The following ICAM1 variants were observed in gnomAD, a reference collection of about 807,000 sequenced individuals.
The protein encoded by ICAM1 is ICAM-1.
In ICAM1, 28 loss-of-function variants were observed where a neutral mutation model predicts 42.3. That is an observed-to-expected ratio of 0.66 (90% confidence interval 0.49 to 0.91). ICAM1 has a LOEUF of 0.91. Among genes scored for constraint, ICAM1 ranks in the 40% least tolerant of loss-of-function variants. The pLI, the probability that ICAM1 is intolerant of heterozygous loss-of-function variation, is 0.00. For missense variants in ICAM1, 637 were observed against 688.6 expected (o/e 0.93, Z 0.84); for synonymous variants, 304 against 305.9 (o/e 0.99, Z 0.07).
Position 10,274,899 on chromosome 19 carries a change from G to A in ICAM1, c.202G>A (p.Glu68Lys). ...CATAGAGACCCCGTTGCCTAAAAAG[G>A]AGTTGCTCCTGCCTGGGAACAACCG... is the stretch of plus-strand genomic sequence containing the variant. The part of the protein sequence containing the change: ...LGIETPLPKK[E>K]LLLPGNNRKV... The change falls in exon 2 of 7, where the codon GAG becomes AAG. Residue 68 changes from glutamate to lysine, a missense_variant. By Grantham distance (56) the Glu-to-Lys change is moderately conservative. Coordinates refer to ENST00000264832, the MANE Select transcript of ICAM1 (RefSeq NM_000201.3). The A allele has an allele frequency of 6.2e-7, 1 of 1,614,232 alleles. No individual in the cohort carries two copies. The highest frequency in any genetic ancestry group is 8.5e-7 in the Non-Finnish European group (1 of 1,180,046).
At chr19:10,276,824 A>C (rs2040020511) in intron 2 of ICAM1, among the ~76,000 whole-genome samples, 1 of 151,398 alleles carries the variant, frequency 6.6e-6, no homozygotes, top group African/African-American at 2.4e-5. Flanking sequence ...ATACAAAAAA[A>C]ACTAGCCAGG....
At chr19:10,274,193 C>A (rs992442761) in intron 1 of ICAM1, among the ~76,000 whole-genome samples, 3 of 152,058 alleles carry the variant, frequency 2.0e-5, no homozygotes, top group Non-Finnish European at 4.4e-5. Context: ...CCTTTCTCGT[C>A]ATTTAGATCT....
Position 10,274,816 on chromosome 19 carries a change from G to T in ICAM1, c.119G>T (p.Arg40Leu). The T allele has an allele frequency of 6.2e-7, 1 of 1,614,128 alleles. No homozygotes were observed. The highest frequency in any genetic ancestry group is 1.1e-5 in the South Asian group (1 of 91,080). The change falls in exon 2 of 7, where the codon CGG (arginine) becomes CTG (leucine). Residue 40 changes from arginine to leucine, a missense_variant. Transcript: ENST00000264832. ...TCCCCCTCAAAAGTCATCCTGCCCC[G>T]GGGAGGCTCCGTGCTGGTGACATGC... Reference protein sequence around the residue: ...SVSPSKVILPRGGSVLVTCST... With the variant: ...SVSPSKVILPLGGSVLVTCST...
chr19:10,284,751 C>A lies in ICAM1; in HGVS notation c.1181-32C>A. On this transcript the variant is annotated intron_variant, in intron 5 of 6. Coordinates refer to ENST00000264832, the MANE Select transcript of ICAM1 (RefSeq NM_000201.3). The surrounding 1 kb of genome is among the most constrained non-coding windows in gnomAD (Gnocchi z 5.4). ...CTTGCCTCCAAGTCCTGCCCCCACCCACCTCCATGTCATCTCATCGTGTTT... is the reference window on the plus strand; with the variant it reads ...CTTGCCTCCAAGTCCTGCCCCCACCAACCTCCATGTCATCTCATCGTGTTT... 6.2e-7 allele frequency: 1 copy of A among 1,607,262 alleles called. No homozygotes were observed. The highest frequency in any genetic ancestry group is 8.5e-7 in the Non-Finnish European group (1 of 1,178,204).
rs1443465678 is a variant in ICAM1, at chr19:10,284,009, C to T, written c.638-24C>T. On this transcript the variant is annotated intron_variant, in intron 3 of 6. Coordinates refer to ENST00000264832, the MANE Select transcript of ICAM1 (RefSeq NM_000201.3). The surrounding 1 kb of genome is among the most constrained non-coding windows in gnomAD (Gnocchi z 5.4). ...GCTTCGGGACGTCCATCCCTGTCTG[C>T]TCACACCTTTCTTCTCTCCCTAGTC... 1.2e-6 allele frequency: 2 copies of T among 1,604,244 alleles called. No individual in the cohort carries two copies. Among genetic ancestry groups the T allele is most frequent in the Middle Eastern group, 1.7e-4 (1 of 6,006 alleles).
At chr19:10,279,677 G>T (rs994695448) in intron 2 of ICAM1, among the ~76,000 whole-genome samples, 1 of 151,848 alleles carries the variant, frequency 6.6e-6, no homozygotes, top group African/African-American at 2.4e-5. Context: ...TAGAGATAGG[G>T]TTTACCATGT....
chr19:10,284,338 C>T lies in ICAM1; in HGVS notation c.925+18C>T, dbSNP rs200273463. ...CATCTACAGTAAGAAGGGGCAGGGG[C>T]GGAGTGGGGCTTCTTGGGGGTGTGA... is the stretch of plus-strand genomic sequence containing the variant. On this transcript the variant is annotated intron_variant, in intron 4 of 6. Coordinates refer to ENST00000264832, the MANE Select transcript of ICAM1 (RefSeq NM_000201.3). The surrounding 1 kb of genome is among the most constrained non-coding windows in gnomAD (Gnocchi z 5.4). 178 of 1,611,950 alleles carry T rather than the reference C, an allele frequency of 1.1e-4. 1 individual carries two copies. The South Asian group carries it at 1.8e-3, about 16-fold the overall frequency.
Position 10,283,684 on chromosome 19 carries a change from C to A in ICAM1, c.535C>A (p.His179Asn), listed in dbSNP as rs1051567834. The A allele has an allele frequency of 4.3e-6, 7 of 1,613,836 alleles. No individual in the cohort carries two copies. In the African/African-American group the frequency reaches 9.3e-5, roughly 22 times the overall value. ...VTTTVLVRRDHHGANFSCRTE... is the reference protein window; with the variant it reads ...VTTTVLVRRDNHGANFSCRTE... ...GACCACGGTGCTGGTGAGGAGAGATCACCATGGAGCCAATTTCTCGTGCCG... is the reference window on the plus strand; with the variant it reads ...GACCACGGTGCTGGTGAGGAGAGATAACCATGGAGCCAATTTCTCGTGCCG... The change falls in exon 3 of 7, where the codon CAC becomes AAC. Residue 179 changes from histidine to asparagine, a missense_variant. His to Asn is a moderately conservative substitution (Grantham distance 68). Transcript: ENST00000264832.
At chr19:10,274,595 G>A (rs528813666) in intron 1 of ICAM1, among the ~76,000 whole-genome samples, 170 bp from the exon 2 acceptor site, 244 of 152,280 alleles carry the variant, frequency 1.6e-3, no homozygotes, top group Non-Finnish European at 2.8e-3. Flanking sequence ...GATTACAGGC[G>A]TGAGCCACCA....
Position 10,284,516 on chromosome 19 carries a change from G to A in ICAM1, c.1039G>A (p.Ala347Thr), listed in dbSNP as rs768938327. Residue 347 changes from alanine (A) to threonine (T), a missense_variant, in exon 5 of 7, where the codon GCC (alanine) becomes ACC (threonine). Coordinates refer to ENST00000264832, the MANE Select transcript of ICAM1 (RefSeq NM_000201.3). The surrounding 1 kb of genome is among the most constrained non-coding windows in gnomAD (Gnocchi z 5.4). The part of the protein sequence containing the change: ...RAKVTLNGVP[A>T]QPLGPRAQLL... ...CAAGGTGACGCTGAATGGGGTTCCA[G>A]CCCAGCCACTGGGCCCGAGGGCCCA... 3 of 1,613,496 alleles carry A rather than the reference G, an allele frequency of 1.9e-6. No individual in the cohort carries two copies. The highest frequency in any genetic ancestry group is 2.5e-6 in the Non-Finnish European group (3 of 1,179,930).
chr19:10,276,883 G>A (rs2040021237), intron 2 of ICAM1, among the ~76,000 whole-genome samples: 1 of 151,108 alleles, frequency 6.6e-6, no homozygotes. Context: ...GCTGAGGCAG[G>A]AGAATCTCTT....
At chr19:10,275,740 C>T (rs112872667) in intron 2 of ICAM1, among the ~76,000 whole-genome samples, 8,868 of 138,130 alleles carry the variant, frequency 0.064, 397 homozygotes, top group South Asian at 0.18. Flanking sequence ...CGGAGTCTCA[C>T]TCTGTCGCCC....
Position 10,285,156 on chromosome 19 carries a change from G to T in ICAM1, c.1468G>T (p.Ala490Ser), listed in dbSNP as rs775418785. 3.7e-6 allele frequency: 6 copies of T among 1,614,012 alleles called. No homozygotes were observed. In the African/African-American group the frequency reaches 8.0e-5, roughly 22 times the overall value. ...TGTCATCATCACTGTGGTAGCAGCC[G>T]CAGTCATAATGGGCACTGCAGGCCT... ...EIVIITVVAA[A>S]VIMGTAGLST... Residue 490 changes from alanine to serine, a missense_variant, in exon 7 of 7, where the codon GCA becomes TCA. Transcript: ENST00000264832.
At chr19:10,271,858 G>A (rs1449947260) in intron 1 of ICAM1, among the ~76,000 whole-genome samples, 1 of 152,040 alleles carries the variant, frequency 6.6e-6, no homozygotes, top group Non-Finnish European at 1.5e-5. Flanking sequence ...TGAGAAGTGG[G>A]ACGCCCCAGC....
At chr19:10,273,023 G>A (rs2039993145) in intron 1 of ICAM1, among the ~76,000 whole-genome samples, 1 of 152,084 alleles carries the variant, frequency 6.6e-6, no homozygotes, top group Admixed American at 6.6e-5. Context: ...AGGGCTGACT[G>A]TCTCCACCTG....
rs1281777673 is a variant in ICAM1, at chr19:10,285,941, T to A, written c.*654T>A. 2 of 152,518 alleles carry A rather than the reference T, an allele frequency of 1.3e-5. No individual in the cohort carries two copies. Among genetic ancestry groups the A allele is most frequent in the African/African-American group, 4.8e-5 (2 of 41,462 alleles). 9.4% of individuals were successfully genotyped at this position (152,518 alleles called of 1,614,324 possible). On this transcript the variant is annotated 3_prime_UTR_variant, in exon 7 of 7. Transcript: ENST00000264832. The stretch of plus-strand genomic sequence containing the variant: ...AGGTTGTACACTGCAGGAGAGTGCC[T>A]GGCAAAAAGATCAAATGGGGCTGGG...
chr19:10,279,234 CAGG>C (rs973338125), intron 2 of ICAM1, among the ~76,000 whole-genome samples: 2 of 151,782 alleles, frequency 1.3e-5, no homozygotes, highest in South Asian at 2.1e-4. Context: ...TTGATGGAGG[CAGG>C]AGGAGGAGGA....
At position 10,283,494 on chromosome 19, in the gene ICAM1, G is replaced by T; in HGVS notation, c.345G>T (p.Arg115=). Reference sequence around the variant, plus strand: ...GTTTTCCTGCAGGGACTCCAGAACGGGTGGAACTGGCACCCCTCCCCTCTT... The same window carrying T: ...GTTTTCCTGCAGGGACTCCAGAACGTGTGGAACTGGCACCCCTCCCCTCTT... ...TFLTVYWTPE[R]VELAPLPSWQ... Residue 115 remains arginine, a synonymous_variant, in exon 3 of 7, where the codon CGG becomes CGT. Coordinates refer to ENST00000264832, the MANE Select transcript of ICAM1 (RefSeq NM_000201.3). 1.3e-6 allele frequency: 2 copies of T among 1,570,788 alleles called. No individual in the cohort carries two copies. The highest frequency in any genetic ancestry group is 1.7e-6 in the Non-Finnish European group (2 of 1,156,582).
intron 2 of ICAM1, 186 bp from the exon 3 acceptor site, chr19:10,283,295 T>C (rs1422252653): frequency 1.8e-6 from 1 of 560,810 alleles, no homozygotes; most frequent in Non-Finnish European, 3.1e-6. Context: ...TTTGATCCCC[T>C]TCACAAACAC....
Sources: gnomAD v4.1 joint callset for allele counts (sites outside exome capture counted in the v4.1 genomes callset) on GRCh38, gnomAD v4.1.1 for gene constraint, Gnocchi (gnomAD v3.1) non-coding constraint, MANE v1.5 for transcripts, NCBI Gene and HGNC (gene_info 2026-07-23, HGNC 2026-07-21) for gene names.